The following RALYL variants were observed in gnomAD, a reference collection of about 807,000 sequenced individuals.
The protein encoded by RALYL is RALY RNA binding protein like.
Under a neutral mutation model 35.1 loss-of-function variants are expected in RALYL, and 29 were observed. The observed-to-expected ratio is 0.83, with a 90% CI of 0.61 to 1.13. The LOEUF (loss-of-function observed/expected upper bound fraction) is 1.13, where lower values mean the gene tolerates loss of function less well. Among genes scored for constraint, RALYL ranks in the 50% most tolerant of loss-of-function variants. The pLI, the probability that RALYL is intolerant of heterozygous loss-of-function variation, is 0.00. For missense variants in RALYL, 359 were observed against 360.4 expected, an observed-to-expected ratio of 1.00 and a Z score of 0.03; for synonymous variants, 120 against 127.6, an observed-to-expected ratio of 0.94 and a Z score of 0.40.
chr8:84,218,586 C>G (rs138633759), intron 1 of RALYL, among the ~76,000 whole-genome samples: 213 of 152,080 alleles, frequency 1.4e-3, no homozygotes, highest in African/African-American at 5.0e-3. Flanking sequence ...CAGGAAAATC[C>G]TTCATTCTGT....
At chr8:84,331,389 C>T (rs1457965600) in intron 1 of RALYL, among the ~76,000 whole-genome samples, 4 of 152,128 alleles carry the variant, frequency 2.6e-5, no homozygotes, top group Non-Finnish European at 1.5e-5. Flanking sequence ...GGAGCCACAG[C>T]ATCAAATTAC....
At chr8:84,359,821 G>A (rs932132593) in intron 1 of RALYL, among the ~76,000 whole-genome samples, 1 of 151,508 alleles carries the variant, frequency 6.6e-6, no homozygotes, top group Non-Finnish European at 1.5e-5. Flanking sequence ...ATAGCCACTA[G>A]CCACACATGG....
intron 1 of RALYL, among the ~76,000 whole-genome samples, chr8:84,264,332 T>C (rs1165142037): frequency 1.3e-5 from 2 of 152,172 alleles, no homozygotes; most frequent in African/African-American, 4.8e-5. Context: ...TGGTGTCTCA[T>C]TGTGGTTTTT....
chr8:84,801,123 G>A (rs1823146708), intron 3 of RALYL, among the ~76,000 whole-genome samples: 2 of 152,004 alleles, frequency 1.3e-5, no homozygotes, highest in Admixed American at 1.3e-4. Context: ...ATTCAACACG[G>A]GCCAGTTGTC....
chr8:84,209,981 A>G (rs1819062276), intron 1 of RALYL, among the ~76,000 whole-genome samples: 1 of 152,146 alleles, frequency 6.6e-6, no homozygotes, highest in Admixed American at 6.6e-5. Flanking sequence ...GAATTAATGT[A>G]GCTACTTTTC....
chr8:84,676,576 C>T (rs1251702523), intron 2 of RALYL, among the ~76,000 whole-genome samples: 1 of 152,086 alleles, frequency 6.6e-6, no homozygotes, highest in South Asian at 2.1e-4. Context: ...TTAGTGTGAT[C>T]GTGCTTAATA....
intron 1 of RALYL, among the ~76,000 whole-genome samples, chr8:84,314,253 G>C (rs73306927): frequency 1.3e-5 from 2 of 151,976 alleles, no homozygotes; most frequent in East Asian, 1.9e-4. Flanking sequence ...CCCTTGACAC[G>C]TAGGGATTAT....
intron 2 of RALYL, among the ~76,000 whole-genome samples, chr8:84,671,483 C>G (rs1009216701): frequency 6.6e-6 from 1 of 152,186 alleles, no homozygotes; most frequent in African/African-American, 2.4e-5. Context: ...AATGAGGGCC[C>G]CATCCCTGCA....
chr8:84,807,181 C>T (rs960587617), intron 4 of RALYL, among the ~76,000 whole-genome samples: 1 of 152,118 alleles, frequency 6.6e-6, no homozygotes, highest in Non-Finnish European at 1.5e-5. Flanking sequence ...CCCACCCAAC[C>T]AAGTCCCCAA....
intron 1 of RALYL, among the ~76,000 whole-genome samples, chr8:84,411,953 A>G (rs562680567): frequency 2.0e-5 from 3 of 151,914 alleles, no homozygotes; most frequent in Non-Finnish European, 4.4e-5. Context: ...TAAGTTATTT[A>G]AAAAAATTAT....
Position 84,589,194 on chromosome 8 carries a change from G to A in RALYL, c.256+59617G>A, listed in dbSNP as rs183893748. Among the ~76,000 whole-genome samples, 184 of 152,208 alleles carry A rather than the reference G, an allele frequency of 1.2e-3. No individual in the cohort carries two copies. In the Middle Eastern group the frequency reaches 0.014, roughly 11 times the overall value. On this transcript the variant is annotated intron_variant, in intron 2 of 8. Coordinates refer to ENST00000521268, the MANE Select transcript of RALYL (RefSeq NM_173848.7). Reference sequence around the variant, plus strand: ...ATTACAGGTGTGAGCCACCACGCCCGGACTTGTTTTAAACATCAATAGTGA... The same window carrying A: ...ATTACAGGTGTGAGCCACCACGCCCAGACTTGTTTTAAACATCAATAGTGA...
At chr8:84,601,587 G>A (rs139412673) in intron 2 of RALYL, among the ~76,000 whole-genome samples, 353 of 151,680 alleles carry the variant, frequency 2.3e-3, no homozygotes, top group African/African-American at 5.3e-3. Flanking sequence ...CACAGATGCA[G>A]TGGCCATAGC....
At chr8:84,506,719 T>C (rs1165731616) in intron 1 of RALYL, among the ~76,000 whole-genome samples, 3 of 150,696 alleles carry the variant, frequency 2.0e-5, no homozygotes, top group Non-Finnish European at 4.4e-5. Context: ...TTAAGAAATC[T>C]TCATAATATC....
At chr8:84,224,801 C>T (rs1024713759) in intron 1 of RALYL, among the ~76,000 whole-genome samples, 33 of 151,936 alleles carry the variant, frequency 2.2e-4, no homozygotes, top group South Asian at 4.1e-4. Context: ...GGACTACAGG[C>T]GTGTGCCACC....
At chr8:84,636,531 G>A (rs1343007121) in intron 2 of RALYL, among the ~76,000 whole-genome samples, 1 of 151,800 alleles carries the variant, frequency 6.6e-6, no homozygotes, top group African/African-American at 2.4e-5. Flanking sequence ...TGAGTGATCT[G>A]TATTAGGACA....
In RALYL at chr8:84,583,078, TTC is replaced by T. The variant is rs1811205912; in HGVS notation, c.256+53503_256+53504del. On this transcript the variant is annotated intron_variant, in intron 2 of 8. Transcript: ENST00000521268. ...GATGATAGTGATTTGGATCTTTGAT[TTC>T]TTTGTCTCTTCATTTTCCTGGTTCA... is the stretch of plus-strand genomic sequence containing the variant. Among the ~76,000 whole-genome samples the T allele has an allele frequency of 5.9e-5, 9 of 152,252 alleles. 2 individuals are homozygous for T. The South Asian group carries it at 1.9e-3, about 32-fold the overall frequency.
intron 1 of RALYL, among the ~76,000 whole-genome samples, chr8:84,225,226 T>C (rs755914249): frequency 1.2e-4 from 19 of 152,180 alleles, no homozygotes; most frequent in Non-Finnish European, 2.4e-4. Context: ...CCTATATCCA[T>C]TGCCACCACC....
intron 4 of RALYL, among the ~76,000 whole-genome samples, chr8:84,836,943 A>G (rs890682965): frequency 6.6e-6 from 1 of 152,180 alleles, no homozygotes; most frequent in Non-Finnish European, 1.5e-5. Context: ...CATATTGTCC[A>G]TACCTGTTCC....
At chr8:84,461,107 A>G (rs562835062) in intron 1 of RALYL, among the ~76,000 whole-genome samples, 18 of 151,664 alleles carry the variant, frequency 1.2e-4, no homozygotes, top group Non-Finnish European at 2.1e-4. Context: ...TATGCTATGA[A>G]TGTTATTACT....
Sources: allele counts gnomAD v4.1 joint callset (sites outside exome capture counted in the v4.1 genomes callset), GRCh38; gene constraint gnomAD v4.1.1; transcripts MANE v1.5; gene names NCBI Gene and HGNC (gene_info 2026-07-23, HGNC 2026-07-21).